Variants in PLXDC2 observed in about 807,000 individuals in gnomAD.
The protein encoded by PLXDC2 is plexin domain-containing protein 2.
In PLXDC2, 40 loss-of-function variants were observed where a neutral mutation model predicts 68.9. That is an observed-to-expected ratio of 0.58 (90% CI 0.45 to 0.76). The LOEUF (loss-of-function observed/expected upper bound fraction) is 0.76, where lower values mean the gene tolerates loss of function less well. Ranked by LOEUF, PLXDC2 falls within the 30% of genes least tolerant of loss-of-function variation. PLXDC2 has a pLI of 0.00. For missense variants in PLXDC2, 644 were observed against 661.9 expected, an observed-to-expected ratio of 0.97 and a Z score of 0.30; for synonymous variants, 243 against 234.2, an observed-to-expected ratio of 1.04 and a Z score of -0.34.
intron 4 of PLXDC2, among the ~76,000 whole-genome samples, chr10:20,139,660 A>C (rs1833975269): frequency 6.6e-6 from 1 of 152,208 alleles, no homozygotes; most frequent in African/African-American, 2.4e-5. Flanking sequence ...AACCCCATGG[A>C]ATACTATGCA....
At chr10:19,890,669 C>A (rs1837941797) in intron 1 of PLXDC2, among the ~76,000 whole-genome samples, 1 of 133,496 alleles carries the variant, frequency 7.5e-6, no homozygotes, top group Non-Finnish European at 1.6e-5. Context: ...GCCACCGCGC[C>A]CGGCTGCTTT....
At chr10:20,232,316 A>G (rs530380368) in intron 12 of PLXDC2, among the ~76,000 whole-genome samples, 9 of 152,152 alleles carry the variant, frequency 5.9e-5, no homozygotes. Context: ...GCAGTTTCTT[A>G]TAAAGTTCTG....
intron 13 of PLXDC2, among the ~76,000 whole-genome samples, chr10:20,252,497 G>T (rs1835690031): frequency 6.6e-6 from 1 of 152,134 alleles, no homozygotes; most frequent in Non-Finnish European, 1.5e-5. Flanking sequence ...GGATGATGCT[G>T]GTTTGTAGAG....
chr10:19,883,687 C>G (rs1191864233), intron 1 of PLXDC2, among the ~76,000 whole-genome samples: 1 of 149,416 alleles, frequency 6.7e-6, no homozygotes, highest in Non-Finnish European at 1.5e-5. Context: ...TTTCTGCTTT[C>G]TTCAGACTTG....
chr10:19,981,876 G>T (rs190686683), intron 1 of PLXDC2, among the ~76,000 whole-genome samples: 1 of 152,328 alleles, frequency 6.6e-6, no homozygotes, highest in Admixed American at 6.5e-5. Context: ...CCTTTCTGAA[G>T]ATGAAGTGCT....
rs977602850 is a variant in PLXDC2 at position 19,862,839 on chromosome 10, G to A, written c.112+45648G>A. The stretch of plus-strand genomic sequence containing the variant: ...CTTTTCATTGCCGTGAGTCCCCAGA[G>A]CCCTGATCTCTTATTCTTTCAGAAT... On this transcript the variant is annotated intron_variant, in intron 1 of 13. Transcript: ENST00000377252. Among the ~76,000 whole-genome samples, 7 of 152,114 alleles carry A rather than the reference G, an allele frequency of 4.6e-5. No individual in the cohort carries two copies. The South Asian group carries it at 1.2e-3, about 27-fold the overall frequency.
chr10:20,202,894 T>A (rs555296385), intron 9 of PLXDC2, among the ~76,000 whole-genome samples: 3 of 152,168 alleles, frequency 2.0e-5, no homozygotes, highest in African/African-American at 7.2e-5. Flanking sequence ...TGGCTTTGTT[T>A]TAATGCATCG....
At chr10:20,158,662 C>G (rs1834250057) in intron 6 of PLXDC2, among the ~76,000 whole-genome samples, 1 of 144,608 alleles carries the variant, frequency 6.9e-6, no homozygotes, top group Non-Finnish European at 1.5e-5. Flanking sequence ...GACTCTGTCT[C>G]AAATAAATAA....
At chr10:19,980,451 A>G (rs764699991) in intron 1 of PLXDC2, among the ~76,000 whole-genome samples, 1 of 152,174 alleles carries the variant, frequency 6.6e-6, no homozygotes, top group Non-Finnish European at 1.5e-5. Context: ...GTATTTCAGT[A>G]CAGTTCTGAA....
In PLXDC2 at chr10:20,016,657, A is replaced by G. The variant is rs188633746; in HGVS notation, c.324+14671A>G. Reference sequence around the variant, plus strand: ...ATCTGTCTACTCTCAGGCACAGGACAGTGCTTAGTACCTTCTGGAAACCAC... The same window carrying G: ...ATCTGTCTACTCTCAGGCACAGGACGGTGCTTAGTACCTTCTGGAAACCAC... On this transcript the variant is annotated intron_variant, in intron 2 of 13. Transcript: ENST00000377252. Among the ~76,000 whole-genome samples the G allele has an allele frequency of 2.2e-4, 33 of 152,326 alleles. No homozygotes were observed. The South Asian group carries it at 3.5e-3, about 16-fold the overall frequency.
intron 12 of PLXDC2, among the ~76,000 whole-genome samples, chr10:20,233,792 C>T (rs1588533781): frequency 6.6e-6 from 1 of 152,072 alleles, no homozygotes; most frequent in African/African-American, 2.4e-5. Context: ...ATAGCAGCAC[C>T]AACTTTGCCT....
At chr10:19,935,415 A>G (rs1833706657) in intron 1 of PLXDC2, among the ~76,000 whole-genome samples, 1 of 152,204 alleles carries the variant, frequency 6.6e-6, no homozygotes, top group African/African-American at 2.4e-5. Context: ...GAACCCAAGG[A>G]TGCATGAGCT....
chr10:20,151,114 T>A (rs114978575), intron 6 of PLXDC2, among the ~76,000 whole-genome samples: 172 of 152,350 alleles, frequency 1.1e-3, no homozygotes, highest in African/African-American at 4.0e-3. Flanking sequence ...AGTCTACCAC[T>A]TTTTGCTTCC....
At chr10:20,023,500 T>G (rs1367150971) in intron 2 of PLXDC2, among the ~76,000 whole-genome samples, 1 of 152,152 alleles carries the variant, frequency 6.6e-6, no homozygotes, top group Non-Finnish European at 1.5e-5. Flanking sequence ...ATGCTGTTAT[T>G]GATGGAGGGG....
intron 4 of PLXDC2, among the ~76,000 whole-genome samples, chr10:20,132,496 T>C (rs1458611456): frequency 6.6e-6 from 1 of 152,190 alleles, no homozygotes; most frequent in Non-Finnish European, 1.5e-5. Context: ...TCCTTTTAGC[T>C]CTCTTAATAT....
intron 9 of PLXDC2, among the ~76,000 whole-genome samples, chr10:20,180,289 A>G (rs1011192902): frequency 1.3e-5 from 2 of 152,106 alleles, no homozygotes; most frequent in Non-Finnish European, 2.9e-5. Context: ...CCGAACACTT[A>G]CTTAAAATCT....
At chr10:19,830,552 G>A (rs10827889) in intron 1 of PLXDC2, among the ~76,000 whole-genome samples, 11,753 of 151,926 alleles carry the variant, frequency 0.077, 640 homozygotes, top group African/African-American at 0.16. Flanking sequence ...CCATCCTTTG[G>A]TAACAGCACC....
At position 20,289,098 on chromosome 10, in the gene PLXDC2, T is replaced by C. The variant is rs1218944900; in HGVS notation, c.*9279T>C. The C allele has an allele frequency of 6.6e-6, 1 of 152,208 alleles. No homozygotes were observed. The highest frequency in any genetic ancestry group is 1.5e-5 in the Non-Finnish European group (1 of 68,042). The allele number at this position is 152,208 out of a possible 1,614,324, so 9.4% of individuals were successfully genotyped here. On this transcript the variant is annotated 3_prime_UTR_variant, in exon 14 of 14. Transcript: ENST00000377252. ...CATACGTTTTGTTTCCTTTCTTCCA[T>C]TAGTGTTCAAAAGGTTCTACCCATT...
At chr10:19,878,442 A>G (rs918415906) in intron 1 of PLXDC2, among the ~76,000 whole-genome samples, 3 of 152,240 alleles carry the variant, frequency 2.0e-5, no homozygotes, top group Non-Finnish European at 4.4e-5. Flanking sequence ...AAACATTTAA[A>G]GAAACATTAA....
Sources: allele counts gnomAD v4.1 joint callset (sites outside exome capture counted in the v4.1 genomes callset), GRCh38; gene constraint gnomAD v4.1.1; transcripts MANE v1.5; gene names NCBI Gene and HGNC (gene_info 2026-07-23, HGNC 2026-07-21).